Variants in PHC2 observed in about 807,000 individuals in gnomAD.
PHC2 encodes the protein polyhomeotic-like protein 2.
Under a neutral mutation model 87.4 loss-of-function variants are expected in PHC2, and 29 were observed. The observed-to-expected ratio is 0.33, with a 90% CI of 0.25 to 0.45. PHC2 has a LOEUF of 0.45. Among genes scored for constraint, PHC2 ranks in the 20% least tolerant of loss-of-function variants. PHC2 has a pLI of 1.00. For synonymous variants in PHC2, 438 were observed against 461.7 expected (o/e 0.95, Z 0.66); for missense variants, 857 against 1,136.7 (o/e 0.75, Z 3.54).
chr1:33,343,321 A>G (rs1441301856), intron 9 of PHC2, among the ~76,000 whole-genome samples: 1 of 151,714 alleles, frequency 6.6e-6, no homozygotes, highest in East Asian at 1.9e-4. Context: ...AAAAAAATAA[A>G]TAACTGGGTG....
At position 33,390,436 on chromosome 1, in the gene PHC2, CTG is replaced by C. The variant is rs139587281; in HGVS notation, c.-54-14845_-54-14844del. On this transcript the variant is annotated intron_variant, in intron 1 of 14. Coordinates refer to ENST00000683057, the MANE Select transcript of PHC2 (RefSeq NM_001385109.1). ...CATCTACTTAAGGTGGAGAAAAACA[CTG>C]TTCTTATTTTATGGATAGGACAGCC... Among the ~76,000 whole-genome samples, 465 of 152,250 alleles carry C rather than the reference CTG, an allele frequency of 3.1e-3. 18 individuals are homozygous for C. In the East Asian group the frequency reaches 0.075, roughly 25 times the overall value.
chr1:33,347,118 G>A (rs1646859319), intron 9 of PHC2: 2 of 985,440 alleles, frequency 2.0e-6, no homozygotes. Context: ...GTCTGAAAAA[G>A]AGTGGATTCT....
Position 33,381,994 on chromosome 1 carries a change from C to T in PHC2, c.-54-6401G>A, listed in dbSNP as rs370797231. Among the ~76,000 whole-genome samples the T allele has an allele frequency of 2.2e-4, 33 of 152,110 alleles. No individual in the cohort carries two copies. In the South Asian group the frequency reaches 6.9e-3, roughly 32 times the overall value. ...CCATGGAAGGCACCTCAGGAAACCT[C>T]CTGCCCGCATGGTGGTGGTGACTTA... On this transcript the variant is annotated intron_variant, in intron 1 of 14. Coordinates refer to ENST00000683057, the MANE Select transcript of PHC2 (RefSeq NM_001385109.1).
rs1352157743 is a variant in PHC2 at position 33,368,620 on chromosome 1, G to T, written c.579C>A (p.Leu193=). Residue 193 remains leucine, a splice_region_variant and synonymous_variant, in exon 6 of 15, where the codon CTC becomes CTA. Coordinates refer to ENST00000683057, the MANE Select transcript of PHC2 (RefSeq NM_001385109.1). The surrounding 1 kb of genome is among the most constrained non-coding windows in gnomAD (Gnocchi z 6.6). The part of the protein sequence containing the change: ...QAQMYLRAQM[L]IFTPTATVAT... The stretch of plus-strand genomic sequence containing the variant: ...CGACGGTGGCCGTGGGCGTGAAGAT[G>T]AGCTGAGGGGACAAAGGAACAGTGC... 1.4e-5 allele frequency: 22 copies of T among 1,550,480 alleles called. No individual in the cohort carries two copies. The highest frequency in any genetic ancestry group is 1.9e-5 in the Non-Finnish European group (22 of 1,146,014).
At chr1:33,392,183 ACACACATG>A (rs1479323443) in intron 1 of PHC2, among the ~76,000 whole-genome samples, 2 of 152,012 alleles carry the variant, frequency 1.3e-5, no homozygotes, top group African/African-American at 2.4e-5. Flanking sequence ...ACACACACAC[ACACACATG>A]CACATGCACA....
intron 1 of PHC2, among the ~76,000 whole-genome samples, chr1:33,418,686 T>C (rs1650305178): frequency 6.6e-6 from 1 of 152,146 alleles, no homozygotes; most frequent in Admixed American, 6.5e-5. Flanking sequence ...ACAATGCCAA[T>C]ACTATATAAA....
rs144451224 is a variant in PHC2, at chr1:33,373,524, T to C, written c.175-1077A>G. Among the ~76,000 whole-genome samples, 73 of 152,220 alleles carry C rather than the reference T, an allele frequency of 4.8e-4. 2 individuals carry two copies. The East Asian group carries it at 0.011, about 23-fold the overall frequency. The stretch of plus-strand genomic sequence containing the variant: ...GCTTATTCCTTCTTTCCTGATGGGA[T>C]TGGCCAATCTCCTGGAAAGGACAAA... On this transcript the variant is annotated intron_variant, in intron 2 of 14. Transcript: ENST00000683057.
chr1:33,428,005 ATTTT>A (rs767739943), intron 1 of PHC2, among the ~76,000 whole-genome samples: 1 of 151,906 alleles, frequency 6.6e-6, no homozygotes, highest in Non-Finnish European at 1.5e-5. Context: ...AATTATCACC[ATTTT>A]TTTTCTTTTC....
intron 9 of PHC2, among the ~76,000 whole-genome samples, chr1:33,352,426 A>G (rs556535620): frequency 3.4e-4 from 52 of 152,298 alleles, no homozygotes; most frequent in African/African-American, 1.2e-3. Context: ...GAGGATGATA[A>G]AAGTTGCTAC....
intron 8 of PHC2, 133 bp from the exon 9 acceptor site, chr1:33,354,699 G>C (rs1008525980): frequency 2.3e-6 from 3 of 1,296,670 alleles, no homozygotes; most frequent in African/African-American, 2.9e-5. Context: ...ATTGGGGAAG[G>C]CCCTCTCTTC....
chr1:33,340,691 G>T (rs377183628), intron 9 of PHC2, among the ~76,000 whole-genome samples: 1 of 152,196 alleles, frequency 6.6e-6, no homozygotes, highest in Non-Finnish European at 1.5e-5. Flanking sequence ...CCCCCAGGGC[G>T]GGGTAAGTGA....
chr1:33,327,961 G>A (rs1465800431), intron 14 of PHC2, among the ~76,000 whole-genome samples: 2 of 152,174 alleles, frequency 1.3e-5, no homozygotes, highest in Non-Finnish European at 2.9e-5. Context: ...AAAATTTTGG[G>A]GATGAAGAGA....
intron 9 of PHC2, among the ~76,000 whole-genome samples, chr1:33,337,337 T>TA (rs1646660780): frequency 6.6e-6 from 1 of 152,212 alleles, no homozygotes; most frequent in Non-Finnish European, 1.5e-5. Flanking sequence ...GACGGCTCAT[T>TA]AGTGATTCCT....
At chr1:33,333,284 TCTTCTGCAGACTA>T (rs1328058727) in intron 10 of PHC2, 5 of 152,262 alleles carry the variant, frequency 3.3e-5, no homozygotes, top group Non-Finnish European at 5.9e-5. Flanking sequence ...AAGCTCCGCG[TCTTCTGCAGACTA>T]ATCAAACCAC....
chr1:33,325,980 A>G (rs750028376), intron 14 of PHC2: 1 of 441,976 alleles, frequency 2.3e-6, no homozygotes, highest in South Asian at 1.6e-5. Context: ...AAGTGAGGAA[A>G]CTCTTAGTGG....
At position 33,329,096 on chromosome 1, in the gene PHC2, G is replaced by A. The variant is rs1237275822; in HGVS notation, c.2199C>T (p.His733=). 1 of 1,614,204 alleles carries A rather than the reference G, an allele frequency of 6.2e-7. No homozygotes were observed. Among genetic ancestry groups the A allele is most frequent in the East Asian group, 2.2e-5 (1 of 44,888 alleles). ...AGCAACGGCTGGAGTCTTCCTGGCT[G>A]TGTGTTAGCTGCAAAGCAGCAGTAA... ...LSVTAALQLT[H]SQEDSSRCSD... The change falls in exon 14 of 15, where the codon CAC becomes CAT. Residue 733 remains histidine (H), a synonymous_variant. Coordinates refer to ENST00000683057, the MANE Select transcript of PHC2 (RefSeq NM_001385109.1).
At chr1:33,325,768 ATAGG>A in intron 14 of PHC2, 1 of 418,108 alleles carries the variant, frequency 2.4e-6, no homozygotes, top group East Asian at 7.3e-5. Context: ...CATCATGGCA[ATAGG>A]TAACTAATGC....
intron 9 of PHC2, chr1:33,346,150 T>C (rs1646840959): frequency 3.0e-6 from 3 of 985,110 alleles, no homozygotes; most frequent in Non-Finnish European, 3.6e-6. Context: ...ATTTCTGTCA[T>C]TGGCACAAAG....
intron 1 of PHC2, among the ~76,000 whole-genome samples, chr1:33,379,951 C>T (rs1193275748): frequency 1.3e-5 from 2 of 152,176 alleles, no homozygotes; most frequent in African/African-American, 4.8e-5. Context: ...TAGTCTCCCC[C>T]TCCCTGAGCA....
Sources: gnomAD v4.1 joint callset for allele counts (sites outside exome capture counted in the v4.1 genomes callset) on GRCh38, gnomAD v4.1.1 for gene constraint, Gnocchi (gnomAD v3.1) non-coding constraint, MANE v1.5 for transcripts, NCBI Gene and HGNC (gene_info 2026-07-23, HGNC 2026-07-21) for gene names.